The following ARHGEF7 variants were observed in gnomAD, a reference collection of about 807,000 sequenced individuals.
ARHGEF7 encodes Rho guanine nucleotide exchange factor 7.
ARHGEF7 carries 33 observed loss-of-function variants against 109.8 expected under a neutral mutation model. The observed-to-expected ratio is 0.30, with a 90% CI of 0.23 to 0.40. ARHGEF7 has a LOEUF of 0.40. Among genes scored for constraint, ARHGEF7 ranks in the 10% least tolerant of loss-of-function variants. The pLI is 1.00. For missense variants in ARHGEF7, 938 were observed against 1,098.5 expected (o/e 0.85, Z 2.07); for synonymous variants, 458 against 424.6 (o/e 1.08, Z -0.97).
intron 5 of ARHGEF7, among the ~76,000 whole-genome samples, chr13:111,221,480 G>GATATATAGACATCT (rs2084201279): frequency 1.3e-4 from 7 of 53,342 alleles, no homozygotes; most frequent in Non-Finnish European, 2.7e-4. Flanking sequence ...TATATATATA[G>GATATATAGACATCT]ATATATATAG....
rs574504142 is a variant in ARHGEF7, at chr13:111,206,965, AAAAAAAAAAAG to A, written c.337+1598_337+1608del. Among the ~76,000 whole-genome samples, 19 of 141,688 alleles carry A rather than the reference AAAAAAAAAAAG, an allele frequency of 1.3e-4. No individual in the cohort carries two copies. The South Asian group carries it at 4.2e-3, about 31-fold the overall frequency. 93.0% of individuals were successfully genotyped at this position (141,688 alleles called of 152,430 possible). On this transcript the variant is annotated intron_variant, in intron 3 of 21. Transcript: ENST00000646102. ...CGACAGAGCGAGACTCCATCTAAAAAAAAAAAAAAAGAAAAAGAAAAAAAAAGAAAATCACT... is the reference window on the plus strand; with the variant it reads ...CGACAGAGCGAGACTCCATCTAAAAAAAAAAGAAAAAAAAAGAAAATCACT...
chr13:111,221,237 ATATATG>A (rs2083885655), intron 5 of ARHGEF7, among the ~76,000 whole-genome samples: 5 of 54,212 alleles, frequency 9.2e-5, no homozygotes, highest in Non-Finnish European at 1.4e-4. Context: ...CTATATAGAT[ATATATG>A]TCTATATATA....
In ARHGEF7 at chr13:111,221,388, G is replaced by T. The variant is rs1304345343; in HGVS notation, c.670+3508G>T. Among the ~76,000 whole-genome samples the T allele has an allele frequency of 1.4e-3, 18 of 12,900 alleles. 1 individual carries two copies. Among genetic ancestry groups the T allele is most frequent in the Non-Finnish European group, 2.6e-3 (15 of 5,822 alleles). 8.5% of individuals were successfully genotyped at this position (12,900 alleles called of 152,430 possible). ...ATCTATATATATATCTATATATATA[G>T]ATGTCTATATATCTATATATATAGA... On this transcript the variant is annotated intron_variant, in intron 5 of 21. Transcript: ENST00000646102.
At chr13:111,262,835 C>T (rs1006270244) in intron 8 of ARHGEF7, among the ~76,000 whole-genome samples, 25 of 152,158 alleles carry the variant, frequency 1.6e-4, no homozygotes, top group African/African-American at 5.6e-4. Flanking sequence ...CATTCATGGA[C>T]ACAATGCAAC....
At chr13:111,297,031 GAAT>G (rs1166779508) in intron 19 of ARHGEF7, among the ~76,000 whole-genome samples, 1 of 152,190 alleles carries the variant, frequency 6.6e-6, no homozygotes, top group Non-Finnish European at 1.5e-5. Flanking sequence ...GTAACTCAGG[GAAT>G]AATGTGCTAT....
At chr13:111,217,960 C>G in intron 5 of ARHGEF7, 80 bp downstream of exon 5, 3 of 1,368,816 alleles carry the variant, frequency 2.2e-6, no homozygotes, top group Non-Finnish European at 3.0e-6. Context: ...AGTGTTTACT[C>G]TCCAGCTGGA....
chr13:111,238,025 G>A (rs1234438077), intron 6 of ARHGEF7, among the ~76,000 whole-genome samples: 1 of 152,230 alleles, frequency 6.6e-6, no homozygotes, highest in East Asian at 1.9e-4. Context: ...GGCTTGGAGA[G>A]TGACGGGGAA....
intron 19 of ARHGEF7, chr13:111,294,304 C>T (rs41275852): frequency 0.16 from 158,626 of 985,312 alleles, 12,852 homozygotes; most frequent in South Asian, 0.24. Flanking sequence ...TACTCATTAG[C>T]GCACTGGCTA....
chr13:111,260,402 A>G (rs538441775), intron 8 of ARHGEF7, among the ~76,000 whole-genome samples: 1 of 152,392 alleles, frequency 6.6e-6, no homozygotes, highest in African/African-American at 2.4e-5. Context: ...ATGCTCCAGT[A>G]CATCTGGCAG....
intron 18 of ARHGEF7, among the ~76,000 whole-genome samples, chr13:111,291,896 C>T (rs906281742): frequency 2.0e-5 from 3 of 152,106 alleles, no homozygotes; most frequent in Admixed American, 6.5e-5. Context: ...AGATAATAAT[C>T]GATCTAGTTT....
At chr13:111,301,640 C>T in intron 21 of ARHGEF7, 108 bp downstream of exon 21, 3 of 890,512 alleles carry the variant, frequency 3.4e-6, no homozygotes, top group Non-Finnish European at 3.5e-6. Context: ...CACCTATAAT[C>T]CCAGCACTTT....
At chr13:111,164,785 G>A (rs777642541) in intron 2 of ARHGEF7, among the ~76,000 whole-genome samples, 129 of 152,154 alleles carry the variant, frequency 8.5e-4, no homozygotes, top group Non-Finnish European at 1.5e-3. Flanking sequence ...CCAGGCAAGC[G>A]GAATCGGGAT....
intron 2 of ARHGEF7, among the ~76,000 whole-genome samples, chr13:111,187,870 C>G (rs1454588896): frequency 1.3e-5 from 2 of 152,220 alleles, no homozygotes; most frequent in Non-Finnish European, 2.9e-5. Context: ...TGTGGTCACT[C>G]AGCTGGAAGA....
At chr13:111,147,690 C>CTT (rs11463808) in intron 1 of ARHGEF7, among the ~76,000 whole-genome samples, 3,352 of 82,402 alleles carry the variant, frequency 0.041, 80 homozygotes, top group African/African-American at 0.069. Flanking sequence ...CAGAGGTCAC[C>CTT]TTTTTTTTTT....
At chr13:111,169,634 G>A (rs910567021) in intron 2 of ARHGEF7, among the ~76,000 whole-genome samples, 17 of 152,200 alleles carry the variant, frequency 1.1e-4, no homozygotes, top group Admixed American at 2.0e-4. Flanking sequence ...CTTCTTCCTG[G>A]TCCTTGCGTT....
chr13:111,291,506 C>G (rs1226605408), intron 18 of ARHGEF7, among the ~76,000 whole-genome samples: 1 of 152,250 alleles, frequency 6.6e-6, no homozygotes, highest in Non-Finnish European at 1.5e-5. Flanking sequence ...CCTGCCCAAT[C>G]CTTTTCTGCC....
Position 111,304,739 on chromosome 13 carries a change from CGTG to C in ARHGEF7, c.*1628_*1630del. 1 of 152,386 alleles carries C rather than the reference CGTG, an allele frequency of 6.6e-6. No homozygotes were observed. Among genetic ancestry groups the C allele is most frequent in the East Asian group, 1.9e-4 (1 of 5,182 alleles). 9.4% of individuals were successfully genotyped at this position (152,386 alleles called of 1,614,324 possible). On this transcript the variant is annotated 3_prime_UTR_variant, in exon 22 of 22. Transcript: ENST00000646102. ...GGTCACGTTGTCTGCCTGGGCTCAGCGTGGACCTGCCCCATGCTGCAGAACCTG... is the reference window on the plus strand; with the variant it reads ...GGTCACGTTGTCTGCCTGGGCTCAGCGACCTGCCCCATGCTGCAGAACCTG...
intron 5 of ARHGEF7, among the ~76,000 whole-genome samples, chr13:111,218,287 G>A (rs1450603375): frequency 6.6e-6 from 1 of 151,902 alleles, no homozygotes; most frequent in Admixed American, 6.6e-5. Flanking sequence ...AGTAATTTCT[G>A]TCATTCTCTT....
chr13:111,170,062 T>G (rs1431044073), intron 2 of ARHGEF7, among the ~76,000 whole-genome samples: 2 of 152,164 alleles, frequency 1.3e-5, no homozygotes, highest in Non-Finnish European at 2.9e-5. Context: ...GTGACGCTTT[T>G]AGGATTTGCT....
Sources: allele counts gnomAD v4.1 joint callset (sites outside exome capture counted in the v4.1 genomes callset), GRCh38; gene constraint gnomAD v4.1.1; transcripts MANE v1.5; gene names NCBI Gene and HGNC (gene_info 2026-07-23, HGNC 2026-07-21).